MDH1: variants seen among roughly 807,000 people sequenced by gnomAD.
MDH1 encodes malate dehydrogenase, cytoplasmic.
Under a neutral mutation model 38.7 loss-of-function variants are expected in MDH1, and 15 were observed. The observed-to-expected ratio is 0.39, with a 90% confidence interval of 0.26 to 0.60. MDH1 has a LOEUF of 0.60. MDH1 is among the 20% of genes least tolerant of loss of function. The pLI is 0.56. For missense variants in MDH1, 368 were observed against 405.2 expected (o/e 0.91, Z 0.79); for synonymous variants, 144 against 143.6 (o/e 1.00, Z -0.02).
chr2:63,600,560 G>A (rs1296501769), intron 5 of MDH1, among the ~76,000 whole-genome samples: 1 of 152,164 alleles, frequency 6.6e-6, no homozygotes. Context: ...GATTAAATAA[G>A]ATCTGTTTTA....
intron 4 of MDH1, chr2:63,597,868 T>A (rs1242744467): frequency 5.2e-6 from 1 of 192,262 alleles, no homozygotes; most frequent in Admixed American, 6.1e-5. Flanking sequence ...GCATTTTTGC[T>A]GCGTGGGAAT....
At position 63,597,531 on chromosome 2, in the gene MDH1, C is replaced by T; in HGVS notation, c.332C>T (p.Ser111Phe). The part of the protein sequence containing the change: ...LLKANVKIFK[S>F]QGAALDKYAK... ...AAAGCAAATGTGAAAATCTTCAAAT[C>T]CCAGGGTGCAGCCTTAGATAAATAC... Residue 111 changes from serine (S) to phenylalanine (F), a missense_variant, in exon 4 of 9, where the codon TCC (serine) becomes TTC (phenylalanine). Physicochemically the swap from Ser to Phe is radical, Grantham distance 155. Transcript: ENST00000233114. 6.7e-7 allele frequency: 1 copy of T among 1,501,856 alleles called. No homozygotes were observed. The highest frequency in any genetic ancestry group is 1.3e-5 in the South Asian group (1 of 74,358). 93.0% of individuals were successfully genotyped at this position (1,501,856 alleles called of 1,614,324 possible).
Position 63,594,525 on chromosome 2 carries a change from G to T in MDH1, c.41G>T (p.Gly14Val). Residue 14 changes from glycine (G) to valine (V), a missense_variant, in exon 2 of 9, where the codon GGT becomes GTT. Physicochemically the swap from Gly to Val is moderately radical, Grantham distance 109 (BLOSUM62 -3). Coordinates refer to ENST00000233114, the MANE Select transcript of MDH1 (RefSeq NM_005917.4). ...PIRVLVTGAA[G>V]QIAYSLLYSI... is the part of the protein sequence containing the mutation. ...AGAGTCCTTGTGACTGGAGCAGCTG[G>T]TCAAATTGCATATTCACTGCTGTAC... 6.2e-7 allele frequency: 1 copy of T among 1,613,912 alleles called. No homozygotes were observed. The highest frequency in any genetic ancestry group is 1.1e-5 in the South Asian group (1 of 91,072).
At chr2:63,597,008 GGT>G (rs1465216009) in intron 3 of MDH1, among the ~76,000 whole-genome samples, 1 of 152,106 alleles carries the variant, frequency 6.6e-6, no homozygotes. Context: ...ATTTGTGATT[GGT>G]GTCTTAGACC....
intron 5 of MDH1, among the ~76,000 whole-genome samples, chr2:63,602,763 A>G (rs972839561): frequency 6.6e-6 from 1 of 152,074 alleles, no homozygotes; most frequent in Non-Finnish European, 1.5e-5. Flanking sequence ...GAGAATTTAC[A>G]AAAGTGGAAT....
chr2:63,594,957 C>A, intron 2 of MDH1: 1 of 249,100 alleles, frequency 4.0e-6, no homozygotes, highest in South Asian at 5.1e-5. Context: ...AATCTGCTTC[C>A]CCGCTGAAGC....
At chr2:63,591,657 C>T (rs1252494000) in intron 1 of MDH1, among the ~76,000 whole-genome samples, 1 of 152,080 alleles carries the variant, frequency 6.6e-6, no homozygotes, top group Non-Finnish European at 1.5e-5. Context: ...TACTTTATAC[C>T]CTAACCTTCC....
At chr2:63,589,581 G>A (rs1260686162) in intron 1 of MDH1, among the ~76,000 whole-genome samples, 1 of 152,168 alleles carries the variant, frequency 6.6e-6, no homozygotes, top group African/African-American at 2.4e-5. Flanking sequence ...ATGTTATTTG[G>A]AACCCGTTCA....
At chr2:63,599,060 A>G (rs1369583511) in intron 4 of MDH1, 110 bp from the exon 5 acceptor site, 4 of 1,008,926 alleles carry the variant, frequency 4.0e-6, no homozygotes, top group Non-Finnish European at 5.6e-6. Flanking sequence ...GTGTTTCCCA[A>G]GCCTCCCCTG....
intron 1 of MDH1, chr2:63,589,486 G>T (rs1003029681): frequency 1.7e-6 from 2 of 1,180,362 alleles, no homozygotes; most frequent in South Asian, 1.3e-5. Context: ...AAAGCAAAAA[G>T]CTGGAAAGGT....
Position 63,607,100 on chromosome 2 carries a change from A to G in MDH1, c.*113A>G. 1.9e-6 allele frequency: 2 copies of G among 1,075,612 alleles called. No individual in the cohort carries two copies. Among genetic ancestry groups the G allele is most frequent in the Non-Finnish European group, 2.6e-6 (2 of 769,192 alleles). 66.6% of individuals were successfully genotyped at this position (1,075,612 alleles called of 1,614,324 possible). On this transcript the variant is annotated 3_prime_UTR_variant, in exon 9 of 9. Transcript: ENST00000233114. ...TTAAATTACTTGTGAAAAACAACAC[A>G]TTTTAAAGATTACGTGCTTCTTGGT...
At position 63,607,000 on chromosome 2, in the gene MDH1, GT is replaced by G. The variant is rs774044437; in HGVS notation, c.*15del. 8.6e-5 allele frequency: 138 copies of G among 1,604,340 alleles called. No individual in the cohort carries two copies. The highest frequency in any genetic ancestry group is 8.3e-4 in the Middle Eastern group (5 of 6,020). ...TTCCTCTGCCTGACTAGACAATGAT[GT>G]TACTAAATGCTTCAAAGCTGAAGAA... On this transcript the variant is annotated 3_prime_UTR_variant, in exon 9 of 9. Coordinates refer to ENST00000233114, the MANE Select transcript of MDH1 (RefSeq NM_005917.4).
rs1363690771 is a variant in MDH1, at chr2:63,606,939, A to T, written c.957A>T (p.Glu319Asp). The change falls in exon 9 of 9, where the codon GAA becomes GAT. Residue 319 changes from glutamate to aspartate, a missense_variant. Coordinates refer to ENST00000233114, the MANE Select transcript of MDH1 (RefSeq NM_005917.4). ...AGAAGATGGATCTTACTGCAAAGGA[A>T]CTGACAGAAGAAAAAGAAAGTGCTT... ...SREKMDLTAKELTEEKESAFE... is the reference protein window; with the variant it reads ...SREKMDLTAKDLTEEKESAFE... 6.2e-7 allele frequency: 1 copy of T among 1,613,004 alleles called. No homozygotes were observed. Among genetic ancestry groups the T allele is most frequent in the Non-Finnish European group, 8.5e-7 (1 of 1,179,404 alleles).
In MDH1 at chr2:63,589,304, C is replaced by T. The variant is rs1040210263; in HGVS notation, c.3+258C>T. ...GTCCTGGGAGAGGAGCGATCTTAAT[C>T]CTGCTGCATGACGGGAGGACAAAAT... On this transcript the variant is annotated intron_variant, in intron 1 of 8. Transcript: ENST00000233114. The T allele has an allele frequency of 2.6e-6, 4 of 1,550,606 alleles. No individual in the cohort carries two copies. The African/African-American group carries it at 4.1e-5, about 16-fold the overall frequency.
In MDH1 at chr2:63,602,934, C is replaced by CTTTTTTTTTTTTTTTT. The variant is rs370479356; in HGVS notation, c.499-1734_499-1719dup. On this transcript the variant is annotated intron_variant, in intron 5 of 8. Coordinates refer to ENST00000233114, the MANE Select transcript of MDH1 (RefSeq NM_005917.4). ...ACATAATACAGTTTATTTAACCGTT[C>CTTTTTTTTTTTTTTTT]TTTTTTTTTTTTTTTTTTTTTTTTT... Among the ~76,000 whole-genome samples the CTTTTTTTTTTTTTTTT allele has an allele frequency of 2.5e-4, 33 of 131,596 alleles. 1 individual carries two copies. Among genetic ancestry groups the CTTTTTTTTTTTTTTTT allele is most frequent in the Non-Finnish European group, 3.7e-4 (22 of 59,594 alleles). 86.3% of individuals were successfully genotyped at this position (131,596 alleles called of 152,430 possible).
At chr2:63,594,632 T>G in intron 2 of MDH1, 46 bp downstream of exon 2, 1 of 1,329,914 alleles carries the variant, frequency 7.5e-7, no homozygotes, top group Non-Finnish European at 1.1e-6. Context: ...AGTAAGAATA[T>G]GGTTAATAAA....
At chr2:63,602,195 G>A (rs888114329) in intron 5 of MDH1, among the ~76,000 whole-genome samples, 1 of 152,188 alleles carries the variant, frequency 6.6e-6, no homozygotes, top group Admixed American at 6.5e-5. Flanking sequence ...TAAGAAAGCA[G>A]TCTCAACTAG....
At position 63,595,536 on chromosome 2, in the gene MDH1, A is replaced by G. The variant is rs1321786483; in HGVS notation, c.199+17A>G. On this transcript the variant is annotated intron_variant, in intron 3 of 8. Transcript: ENST00000233114. ...TCCTGAAAGGTGGGTTGGGGAGTAGAGAAGGGATTTTATGGTATTTGATTT... is the reference window on the plus strand; with the variant it reads ...TCCTGAAAGGTGGGTTGGGGAGTAGGGAAGGGATTTTATGGTATTTGATTT... The G allele has an allele frequency of 6.8e-6, 10 of 1,470,884 alleles. No individual in the cohort carries two copies. In the South Asian group the frequency reaches 1.1e-4, roughly 17 times the overall value. The allele number at this position is 1,470,884 out of a possible 1,614,324, so 91.1% of individuals were successfully genotyped here.
chr2:63,590,221 C>T (rs72885336), intron 1 of MDH1: 292 of 152,260 alleles, frequency 1.9e-3, no homozygotes, highest in African/African-American at 6.7e-3. Context: ...GGACTTTTTG[C>T]TTTTAGAACT....
Sources: gnomAD v4.1 joint callset for allele counts (sites outside exome capture counted in the v4.1 genomes callset) on GRCh38, gnomAD v4.1.1 for gene constraint, MANE v1.5 for transcripts, NCBI Gene and HGNC (gene_info 2026-07-23, HGNC 2026-07-21) for gene names.